ARL15: variants seen among roughly 807,000 people sequenced by gnomAD.
The protein encoded by ARL15 is ADP-ribosylation factor-like protein 15.
Under a neutral mutation model 25.2 loss-of-function variants are expected in ARL15, and 19 were observed. The observed-to-expected ratio is 0.75, with a 90% confidence interval of 0.53 to 1.10. ARL15 has a LOEUF of 1.10. ARL15 is among the 50% of genes least tolerant of loss of function. The pLI, the probability that ARL15 is intolerant of heterozygous loss-of-function variation, is 0.00. For synonymous variants in ARL15, 94 were observed against 86.8 expected (o/e 1.08, Z -0.46); for missense variants, 220 against 246.0 (o/e 0.89, Z 0.71).
chr5:54,005,023 A>C (rs1249910956), intron 4 of ARL15, among the ~76,000 whole-genome samples: 1 of 139,024 alleles, frequency 7.2e-6, no homozygotes, highest in Non-Finnish European at 1.6e-5. Context: ...AATAGTTATT[A>C]TTATTTTAAA....
At chr5:54,274,638 C>G (rs571087601) in intron 1 of ARL15, among the ~76,000 whole-genome samples, 5 of 152,162 alleles carry the variant, frequency 3.3e-5, no homozygotes, top group Middle Eastern at 6.3e-3. Flanking sequence ...GCGGCTCATG[C>G]CTGTAATCCC....
intron 1 of ARL15, among the ~76,000 whole-genome samples, chr5:54,205,770 G>T (rs958468299): frequency 6.6e-6 from 1 of 152,088 alleles, no homozygotes; most frequent in African/African-American, 2.4e-5. Context: ...AGGAACTCCT[G>T]GTCAAAGGCA....
At chr5:54,008,966 A>G (rs1749140252) in intron 4 of ARL15, among the ~76,000 whole-genome samples, 1 of 152,214 alleles carries the variant, frequency 6.6e-6, no homozygotes, top group African/African-American at 2.4e-5. Context: ...ACTAGACACT[A>G]GAAATTATTT....
chr5:54,141,765 T>C (rs1026793711), intron 3 of ARL15, among the ~76,000 whole-genome samples: 2 of 152,154 alleles, frequency 1.3e-5, no homozygotes, highest in East Asian at 1.9e-4. Flanking sequence ...TAAATATGAG[T>C]TTGCATTTTC....
chr5:54,053,401 T>C (rs1750759262), intron 4 of ARL15, among the ~76,000 whole-genome samples: 1 of 152,156 alleles, frequency 6.6e-6, no homozygotes, highest in African/African-American at 2.4e-5. Flanking sequence ...TTTGTGTAGG[T>C]ATTCTATCCA....
intron 4 of ARL15, among the ~76,000 whole-genome samples, chr5:54,076,440 AG>A (rs1261708351): frequency 6.8e-6 from 1 of 146,622 alleles, no homozygotes; most frequent in Non-Finnish European, 1.5e-5. Context: ...AAAAAGAAAA[AG>A]AAAAAAAAAG....
chr5:54,295,017 C>A (rs1466801833), intron 1 of ARL15, among the ~76,000 whole-genome samples: 1 of 152,200 alleles, frequency 6.6e-6, no homozygotes, highest in African/African-American at 2.4e-5. Context: ...ATGGTTTATT[C>A]AAGACAACCT....
chr5:54,187,618 C>G (rs1265554084), intron 1 of ARL15, among the ~76,000 whole-genome samples: 1 of 152,156 alleles, frequency 6.6e-6, no homozygotes, highest in African/African-American at 2.4e-5. Context: ...TTTTCCTGAG[C>G]AAACATGTTT....
intron 1 of ARL15, among the ~76,000 whole-genome samples, chr5:54,222,333 C>T (rs191344934): frequency 1.3e-5 from 2 of 152,276 alleles, no homozygotes; most frequent in Admixed American, 1.3e-4. Flanking sequence ...AGGAGCCCCC[C>T]AAAACCTTCA....
chr5:54,153,803 G>A (rs1200396558), intron 3 of ARL15, among the ~76,000 whole-genome samples: 103 of 152,256 alleles, frequency 6.8e-4, no homozygotes, highest in African/African-American at 2.4e-3. Flanking sequence ...GTCACAGTTA[G>A]AATGACCTTA....
At chr5:53,926,448 C>T (rs1226248895) in intron 4 of ARL15, among the ~76,000 whole-genome samples, 1 of 152,142 alleles carries the variant, frequency 6.6e-6, no homozygotes, top group Non-Finnish European at 1.5e-5. Flanking sequence ...ATCCAAAGCA[C>T]AGACAGGTAA....
Position 54,046,780 on chromosome 5 carries a change from G to T in ARL15, c.462+66422C>A, listed in dbSNP as rs114819164. On this transcript the variant is annotated intron_variant, in intron 4 of 4. Coordinates refer to ENST00000504924, the MANE Select transcript of ARL15 (RefSeq NM_019087.3). ...TAAGTAGATGAAGGGCAGAAGGGGA[G>T]CCACATGGTGGGAAAATGCAGGGCT... Among the ~76,000 whole-genome samples the T allele has an allele frequency of 8.3e-3, 1,262 of 152,260 alleles. 24 individuals carry two copies. Among genetic ancestry groups the T allele is most frequent in the African/African-American group, 0.029 (1,207 of 41,540 alleles).
At chr5:53,889,220 G>A (rs950257957) in intron 4 of ARL15, among the ~76,000 whole-genome samples, 2 of 151,838 alleles carry the variant, frequency 1.3e-5, no homozygotes, top group African/African-American at 2.4e-5. Context: ...AATTGATCCC[G>A]GTAGCATATT....
intron 1 of ARL15, among the ~76,000 whole-genome samples, chr5:54,265,443 G>T (rs1413918918): frequency 6.6e-6 from 1 of 152,136 alleles, no homozygotes; most frequent in Non-Finnish European, 1.5e-5. Context: ...AAATATTAAA[G>T]TAAGAGCATG....
At chr5:54,151,001 C>T (rs1038412774) in intron 3 of ARL15, among the ~76,000 whole-genome samples, 3 of 152,086 alleles carry the variant, frequency 2.0e-5, no homozygotes, top group African/African-American at 7.2e-5. Flanking sequence ...TGGTTAGGCA[C>T]AAGAGCTCAG....
At chr5:54,026,796 A>G (rs1374505183) in intron 4 of ARL15, among the ~76,000 whole-genome samples, 2 of 152,140 alleles carry the variant, frequency 1.3e-5, no homozygotes, top group African/African-American at 2.4e-5. Flanking sequence ...AGAGACACCA[A>G]TGAATAAGCC....
intron 4 of ARL15, among the ~76,000 whole-genome samples, chr5:54,060,404 C>T (rs1008637469): frequency 7.2e-5 from 11 of 152,314 alleles, no homozygotes; most frequent in African/African-American, 2.6e-4. Context: ...CACTGCGCAG[C>T]AGCCTGGGCT....
At chr5:54,251,048 T>C (rs987132357) in intron 1 of ARL15, among the ~76,000 whole-genome samples, 2 of 152,210 alleles carry the variant, frequency 1.3e-5, no homozygotes, top group Non-Finnish European at 2.9e-5. Flanking sequence ...CCTATCTTCC[T>C]AATTATTAAG....
chr5:54,262,260 C>G (rs1757513597), intron 1 of ARL15, among the ~76,000 whole-genome samples: 1 of 152,128 alleles, frequency 6.6e-6, no homozygotes, highest in Non-Finnish European at 1.5e-5. Context: ...TGCTTTATAG[C>G]CAAGACTGGA....
Sources: gnomAD v4.1 joint callset for allele counts (sites outside exome capture counted in the v4.1 genomes callset) on GRCh38, gnomAD v4.1.1 for gene constraint, MANE v1.5 for transcripts, NCBI Gene and HGNC (gene_info 2026-07-23, HGNC 2026-07-21) for gene names.